TMEM131L: variants seen among roughly 807,000 people sequenced by gnomAD.
TMEM131L encodes transmembrane protein 131-like.
Under a neutral mutation model 192.2 loss-of-function variants are expected in TMEM131L, and 54 were observed. The ratio of observed to expected loss-of-function variants is 0.28; its 90% confidence interval spans 0.23 to 0.35. The LOEUF (loss-of-function observed/expected upper bound fraction) is 0.35, where lower values mean the gene tolerates loss of function less well. Ranked by LOEUF, TMEM131L falls within the 10% of genes least tolerant of loss-of-function variation. The pLI, the probability that TMEM131L is intolerant of heterozygous loss-of-function variation, is 1.00. For synonymous variants in TMEM131L, 701 were observed against 704.9 expected, an observed-to-expected ratio of 0.99 and a Z score of 0.09; for missense variants, 1,888 against 1,972.9, an observed-to-expected ratio of 0.96 and a Z score of 0.82.
At chr4:153,590,456 A>C (rs1450199718) in intron 16 of TMEM131L, among the ~76,000 whole-genome samples, 1 of 152,058 alleles carries the variant, frequency 6.6e-6, no homozygotes, top group East Asian at 1.9e-4. Flanking sequence ...GAGTGACAGA[A>C]CTCTCCATTG....
chr4:153,628,018 G>A (rs765307023), intron 31 of TMEM131L, among the ~76,000 whole-genome samples: 4 of 152,224 alleles, frequency 2.6e-5, no homozygotes, highest in Non-Finnish European at 5.9e-5. Context: ...TGACAGAAAA[G>A]TACAGAAGGT....
At position 153,621,855 on chromosome 4, in the gene TMEM131L, T is replaced by A; in HGVS notation, c.3859+6T>A. 1 of 1,613,556 alleles carries A rather than the reference T, an allele frequency of 6.2e-7. No homozygotes were observed. The highest frequency in any genetic ancestry group is 8.5e-7 in the Non-Finnish European group (1 of 1,179,646). ...TGCTGCCCAGAGAGAGGCAGGTATG[T>A]AATGATACTGAGCTACAAATGGTGC... On this transcript the variant is annotated splice_donor_region_variant and intron_variant, in intron 28 of 34. Coordinates refer to ENST00000409959, the MANE Select transcript of TMEM131L (RefSeq NM_001131007.2).
chr4:153,477,342 T>C lies in TMEM131L; in HGVS notation c.239+3454T>C, dbSNP rs78982067. ...CACTCTGGAGCTCGGAGGCCAGGGC[T>C]GCAGACCCAGGTGTGGGTGTGTGCA... On this transcript the variant is annotated intron_variant, in intron 3 of 34. Transcript: ENST00000409959. Among the ~76,000 whole-genome samples, 364 of 152,320 alleles carry C rather than the reference T, an allele frequency of 2.4e-3. 2 individuals carry two copies. Among genetic ancestry groups the C allele is most frequent in the African/African-American group, 8.6e-3 (357 of 41,566 alleles).
rs139166122 is a variant in TMEM131L, at chr4:153,551,359, ATTT to A, written c.308+1232_308+1234del. 4.3e-3 allele frequency among the ~76,000 whole-genome samples: 624 copies of A among 146,004 alleles called. 5 individuals are homozygous for A. Among genetic ancestry groups the A allele is most frequent in the Middle Eastern group, 0.032 (9 of 282 alleles). On this transcript the variant is annotated intron_variant, in intron 4 of 34. Coordinates refer to ENST00000409959, the MANE Select transcript of TMEM131L (RefSeq NM_001131007.2). ...TGCAGTGAAGGAGAATGAACTTGGAATTTTTTTTTTTTTTTTGAGACGGAGTCT... is the reference window on the plus strand; with the variant it reads ...TGCAGTGAAGGAGAATGAACTTGGAATTTTTTTTTTTTTGAGACGGAGTCT...
intron 17 of TMEM131L, 55 bp from the exon 18 acceptor site, chr4:153,592,420 C>G: frequency 8.4e-7 from 1 of 1,188,994 alleles, no homozygotes; most frequent in South Asian, 1.2e-5. Context: ...CAGAATATCT[C>G]AGGAGGGATG....
At chr4:153,497,524 A>G (rs948730984) in intron 3 of TMEM131L, among the ~76,000 whole-genome samples, 27 of 152,140 alleles carry the variant, frequency 1.8e-4, no homozygotes, top group African/African-American at 5.3e-4. Flanking sequence ...TTTGCTCTCC[A>G]TAGAATTGTG....
rs751868652 is a variant in TMEM131L at position 153,586,387 on chromosome 4, C to G, written c.1482+8C>G. 7.6e-6 allele frequency: 12 copies of G among 1,582,276 alleles called. No homozygotes were observed. Among genetic ancestry groups the G allele is most frequent in the Non-Finnish European group, 7.7e-6 (9 of 1,164,974 alleles). ...TATTCAGCACCAACCAAGGTATTTT[C>G]TACAATACTATATGTGTGTTACAGT... On this transcript the variant is annotated splice_region_variant and intron_variant, in intron 14 of 34. Coordinates refer to ENST00000409959, the MANE Select transcript of TMEM131L (RefSeq NM_001131007.2).
chr4:153,621,725 T>C lies in TMEM131L; in HGVS notation c.3735T>C (p.Phe1245=). Residue 1245 remains phenylalanine (F), a synonymous_variant, in exon 28 of 35, where the codon TTT becomes TTC. Transcript: ENST00000409959. ...ATCTAAAGCTTGTGTGCAGTGACTTTGAGAGGTCTGAGCTGAGCAGTGACA... is the reference window on the plus strand; with the variant it reads ...ATCTAAAGCTTGTGTGCAGTGACTTCGAGAGGTCTGAGCTGAGCAGTGACA... ...QSDLKLVCSD[F]ERSELSSDIN... 1 of 1,614,190 alleles carries C rather than the reference T, an allele frequency of 6.2e-7. No homozygotes were observed. The highest frequency in any genetic ancestry group is 8.5e-7 in the Non-Finnish European group (1 of 1,180,036).
At chr4:153,528,713 A>G (rs781195589) in intron 3 of TMEM131L, among the ~76,000 whole-genome samples, 1 of 152,198 alleles carries the variant, frequency 6.6e-6, no homozygotes, top group Non-Finnish European at 1.5e-5. Flanking sequence ...AAGCAGGTAC[A>G]GCGTATGCCT....
At chr4:153,536,672 G>A (rs1277588820) in intron 3 of TMEM131L, among the ~76,000 whole-genome samples, 4 of 152,190 alleles carry the variant, frequency 2.6e-5, no homozygotes, top group African/African-American at 9.6e-5. Context: ...TGACAGAATC[G>A]ATCGATCTAT....
chr4:153,601,359 C>A (rs895904380), intron 21 of TMEM131L, among the ~76,000 whole-genome samples: 1 of 151,990 alleles, frequency 6.6e-6, no homozygotes, highest in Non-Finnish European at 1.5e-5. Context: ...TAGTGAGCCC[C>A]ATCTCTACAA....
chr4:153,513,793 A>G (rs1330054678), intron 3 of TMEM131L, among the ~76,000 whole-genome samples: 1 of 152,224 alleles, frequency 6.6e-6, no homozygotes, highest in Non-Finnish European at 1.5e-5. Flanking sequence ...CAGATGTTTT[A>G]GCAAAAATCA....
Position 153,591,157 on chromosome 4 carries a change from T to C in TMEM131L, c.1775T>C (p.Met592Thr), listed in dbSNP as rs558295966. The C allele has an allele frequency of 5.6e-6, 9 of 1,610,106 alleles. No individual in the cohort carries two copies. The highest frequency in any genetic ancestry group is 5.0e-5 in the Admixed American group (3 of 59,798). The change falls in exon 17 of 35, where the codon ATG becomes ACG. Residue 592 changes from methionine (M) to threonine (T), a missense_variant. Physicochemically the swap from Met to Thr is moderately conservative, Grantham distance 81 (BLOSUM62 -1). Transcript: ENST00000409959. ...LPRLIAEPGL[M>T]LNFSATALRS... The stretch of plus-strand genomic sequence containing the variant: ...CGTTTGATCGCAGAGCCTGGCCTCA[T>C]GTTAAACTTCAGCGCAACTGCCCTT...
At chr4:153,635,143 A>G (rs2278575) in intron 33 of TMEM131L, among the ~76,000 whole-genome samples, 1 of 152,192 alleles carries the variant, frequency 6.6e-6, no homozygotes, top group Admixed American at 6.5e-5. Flanking sequence ...ATCTAGTAGT[A>G]TTTTAATGTA....
At chr4:153,576,767 A>G (rs1296994774) in intron 7 of TMEM131L, among the ~76,000 whole-genome samples, 1 of 151,550 alleles carries the variant, frequency 6.6e-6, no homozygotes, top group African/African-American at 2.4e-5. Flanking sequence ...TCAGATCAGA[A>G]ATACACACTG....
chr4:153,583,899 A>G (rs140275890), intron 11 of TMEM131L, among the ~76,000 whole-genome samples: 137 of 152,350 alleles, frequency 9.0e-4, no homozygotes, highest in African/African-American at 3.2e-3. Flanking sequence ...AAAGCTTAAT[A>G]TTCTGTGTTG....
chr4:153,584,801 T>C, intron 11 of TMEM131L, 34 bp from the exon 12 acceptor site: 1 of 1,499,898 alleles, frequency 6.7e-7, no homozygotes, highest in Non-Finnish European at 9.3e-7. Flanking sequence ...GAAAAGGTAC[T>C]TAAGCTTCAC....
At chr4:153,623,180 C>A in intron 29 of TMEM131L, 97 bp downstream of exon 29, 1 of 1,150,610 alleles carries the variant, frequency 8.7e-7, no homozygotes, top group Non-Finnish European at 1.2e-6. Context: ...TTCAGGAGTG[C>A]AGAGGACAGA....
chr4:153,628,082 G>T (rs1733973057), intron 31 of TMEM131L, among the ~76,000 whole-genome samples: 1 of 152,220 alleles, frequency 6.6e-6, no homozygotes, highest in Non-Finnish European at 1.5e-5. Flanking sequence ...TAGGCTGAGG[G>T]TGCAGCACCT....
Sources: gnomAD v4.1 joint callset for allele counts (sites outside exome capture counted in the v4.1 genomes callset) on GRCh38, gnomAD v4.1.1 for gene constraint, MANE v1.5 for transcripts, NCBI Gene and HGNC (gene_info 2026-07-23, HGNC 2026-07-21) for gene names.